CCDC73: variants seen among roughly 807,000 people sequenced by gnomAD.
CCDC73 encodes the protein coiled-coil domain-containing protein 73.
Under a neutral mutation model 116.5 loss-of-function variants are expected in CCDC73, and 95 were observed. That is an observed-to-expected ratio of 0.82 (90% CI 0.69 to 0.97). CCDC73 has a LOEUF of 0.97. Among genes scored for constraint, CCDC73 ranks in the 50% least tolerant of loss-of-function variants. CCDC73 has a pLI of 0.00. For synonymous variants in CCDC73, 398 were observed against 401.3 expected (o/e 0.99, Z 0.10); for missense variants, 1,066 against 1,206.8 (o/e 0.88, Z 1.73).
intron 2 of CCDC73, among the ~76,000 whole-genome samples, chr11:32,745,745 GTTT>G (rs140610634): frequency 7.9e-5 from 9 of 113,896 alleles, no homozygotes; most frequent in Non-Finnish European, 1.4e-4. Context: ...GTTTGTTTTG[GTTT>G]TTTTTTTTTT....
At chr11:32,628,881 G>A (rs1855600403) in intron 14 of CCDC73, among the ~76,000 whole-genome samples, 1 of 151,918 alleles carries the variant, frequency 6.6e-6, no homozygotes, top group Non-Finnish European at 1.5e-5. Context: ...ATTAGCAAAG[G>A]AACTTTAAAA....
intron 2 of CCDC73, among the ~76,000 whole-genome samples, chr11:32,728,429 T>G (rs1185125280): frequency 6.6e-6 from 1 of 152,102 alleles, no homozygotes; most frequent in Non-Finnish European, 1.5e-5. Context: ...GACATTACGT[T>G]AAGTACTTCC....
chr11:32,807,776 T>C, the CCDC73 span, among the ~76,000 whole-genome samples: 2 of 152,178 alleles, frequency 1.3e-5, no homozygotes, highest in Admixed American at 6.5e-5. Flanking sequence ...GTAGCCTGAA[T>C]TGTGCAAAAG....
chr11:32,782,622 T>A (rs1430346406), intron 1 of CCDC73, among the ~76,000 whole-genome samples: 1 of 152,174 alleles, frequency 6.6e-6, no homozygotes, highest in Non-Finnish European at 1.5e-5. Context: ...CAAACTGAAA[T>A]TTTAAAAGCC....
chr11:32,660,751 G>T (rs1163355053), intron 9 of CCDC73, among the ~76,000 whole-genome samples: 2 of 152,056 alleles, frequency 1.3e-5, no homozygotes, highest in African/African-American at 4.8e-5. Context: ...GAGCCCAGGT[G>T]TTCACCAGCA....
At chr11:32,678,882 C>CAA (rs55859897) in intron 7 of CCDC73, among the ~76,000 whole-genome samples, 31 of 131,176 alleles carry the variant, frequency 2.4e-4, no homozygotes, top group Non-Finnish European at 4.1e-4. Context: ...GGCTCCGTCA[C>CAA]AAAAAAAAAA....
At chr11:32,674,978 C>T (rs1194503174) in intron 9 of CCDC73, among the ~76,000 whole-genome samples, 1 of 152,114 alleles carries the variant, frequency 6.6e-6, no homozygotes, top group Non-Finnish European at 1.5e-5. Flanking sequence ...AAACTCTTTC[C>T]TGTCTCAAAG....
chr11:32,685,983 G>A (rs1005468803), intron 6 of CCDC73, among the ~76,000 whole-genome samples: 2 of 151,866 alleles, frequency 1.3e-5, no homozygotes, highest in Admixed American at 1.3e-4. Context: ...GCCTCCCAAA[G>A]TGCTGGGATT....
At chr11:32,745,293 T>C (rs1017453658) in intron 2 of CCDC73, among the ~76,000 whole-genome samples, 1 of 152,160 alleles carries the variant, frequency 6.6e-6, no homozygotes, top group African/African-American at 2.4e-5. Context: ...TTTCTGTTCT[T>C]TTACATTTGC....
At chr11:32,613,140 A>G (rs1855437430) in intron 16 of CCDC73, among the ~76,000 whole-genome samples, 1 of 152,224 alleles carries the variant, frequency 6.6e-6, no homozygotes, top group Admixed American at 6.5e-5. Context: ...GGGCAAAGAA[A>G]GACAACATAG....
chr11:32,627,586 A>G (rs1855587807), intron 14 of CCDC73, among the ~76,000 whole-genome samples: 1 of 152,226 alleles, frequency 6.6e-6, no homozygotes, highest in African/African-American at 2.4e-5. Flanking sequence ...TCCATCAATG[A>G]GAGACTGGAT....
intron 3 of CCDC73, among the ~76,000 whole-genome samples, chr11:32,717,141 CA>C (rs1241764336): frequency 6.6e-6 from 1 of 152,142 alleles, no homozygotes; most frequent in African/African-American, 2.4e-5. Flanking sequence ...TTGGTCTATC[CA>C]CTATCACCTG....
At chr11:32,757,884 C>CA (rs960321913) in intron 2 of CCDC73, among the ~76,000 whole-genome samples, 1 of 152,170 alleles carries the variant, frequency 6.6e-6, no homozygotes, top group African/African-American at 2.4e-5. Flanking sequence ...ATCACACCTA[C>CA]AAAATTCCTT....
intron 1 of CCDC73, among the ~76,000 whole-genome samples, chr11:32,790,922 T>C (rs1171488705): frequency 6.6e-6 from 1 of 152,158 alleles, no homozygotes; most frequent in Non-Finnish European, 1.5e-5. Flanking sequence ...AGCAAAATCC[T>C]TTAAGGATTT....
intron 9 of CCDC73, among the ~76,000 whole-genome samples, chr11:32,666,104 A>T (rs1291020567): frequency 6.6e-6 from 1 of 151,958 alleles, no homozygotes; most frequent in Non-Finnish European, 1.5e-5. Flanking sequence ...TTTTTCCTTC[A>T]TTTCAACTTT....
At chr11:32,615,082 A>G in intron 15 of CCDC73, 140 bp from the exon 16 acceptor site, 2 of 523,050 alleles carry the variant, frequency 3.8e-6, no homozygotes, top group East Asian at 3.0e-5. Context: ...ACTTAATGAC[A>G]TCAATATTAC....
intron 12 of CCDC73, among the ~76,000 whole-genome samples, chr11:32,652,364 G>A (rs997343916): frequency 6.7e-6 from 1 of 150,374 alleles, no homozygotes; most frequent in Non-Finnish European, 1.5e-5. Context: ...AAAGAAATAC[G>A]TGCCAACCAC....
chr11:32,768,703 G>A (rs1040154435), intron 1 of CCDC73, among the ~76,000 whole-genome samples: 1 of 152,174 alleles, frequency 6.6e-6, no homozygotes, highest in African/African-American at 2.4e-5. Flanking sequence ...CACTTAGCCA[G>A]GTGTGGTTGT....
intron 2 of CCDC73, among the ~76,000 whole-genome samples, chr11:32,726,708 C>T (rs988016148): frequency 6.6e-6 from 1 of 151,996 alleles, no homozygotes; most frequent in Non-Finnish European, 1.5e-5. Context: ...AAGCAAATCT[C>T]TACATATATT....
Sources: gnomAD v4.1 joint callset for allele counts (sites outside exome capture counted in the v4.1 genomes callset) on GRCh38, gnomAD v4.1.1 for gene constraint, MANE v1.5 for transcripts, NCBI Gene and HGNC (gene_info 2026-07-23, HGNC 2026-07-21) for gene names.